KLC1: variants seen among roughly 807,000 people sequenced by gnomAD.
KLC1 encodes kinesin 2 60/70kDa.
A neutral mutation model predicts 84.2 loss-of-function variants in KLC1; 30 were observed. The ratio of observed to expected loss-of-function variants is 0.36; its 90% confidence interval spans 0.27 to 0.48. The LOEUF (loss-of-function observed/expected upper bound fraction) is 0.48, where lower values mean the gene tolerates loss of function less well. Ranked by LOEUF, KLC1 falls within the 20% of genes least tolerant of loss-of-function variation. The pLI, the probability that KLC1 is intolerant of heterozygous loss-of-function variation, is 0.99. For missense variants in KLC1, 499 were observed against 805.4 expected, an observed-to-expected ratio of 0.62 and a Z score of 4.60; for synonymous variants, 289 against 293.3, an observed-to-expected ratio of 0.99 and a Z score of 0.15.
chr14:103,696,960 C>T, intron 15 of KLC1: 4 of 985,420 alleles, frequency 4.1e-6, no homozygotes, highest in Non-Finnish European at 4.8e-6. Context: ...GCCCCTCGGC[C>T]CCTTCCCTCC....
At chr14:103,657,107 A>G (rs2078893556) in intron 2 of KLC1, among the ~76,000 whole-genome samples, 1 of 152,152 alleles carries the variant, frequency 6.6e-6, no homozygotes, top group Non-Finnish European at 1.5e-5. Context: ...TTGTATGTGC[A>G]CTGTTCTCTG....
chr14:103,653,615 C>G (rs1417813502), intron 1 of KLC1, among the ~76,000 whole-genome samples: 1 of 152,228 alleles, frequency 6.6e-6, no homozygotes, highest in African/African-American at 2.4e-5. Context: ...GCCACCATGC[C>G]TGGCTGTCCT....
At chr14:103,667,491 A>C (rs912242898) in intron 5 of KLC1, among the ~76,000 whole-genome samples, 1 of 152,088 alleles carries the variant, frequency 6.6e-6, no homozygotes. Context: ...GCATGTCGCC[A>C]GGCCTGGCTA....
chr14:103,695,729 C>T, intron 15 of KLC1: 5 of 985,390 alleles, frequency 5.1e-6, no homozygotes, highest in Non-Finnish European at 6.0e-6. Flanking sequence ...GCTGTGGCTT[C>T]CAGCCATGGG....
chr14:103,685,853 C>G, intron 13 of KLC1: 2 of 1,175,520 alleles, frequency 1.7e-6, no homozygotes, highest in Non-Finnish European at 1.1e-6. Flanking sequence ...CAGATATGTA[C>G]TTAGTAATAT....
At chr14:103,656,424 C>G (rs545397987) in intron 2 of KLC1, among the ~76,000 whole-genome samples, 1 of 152,352 alleles carries the variant, frequency 6.6e-6, no homozygotes, top group Admixed American at 6.5e-5. Flanking sequence ...TTTAAATACT[C>G]TCTCCTGATA....
At position 103,677,657 on chromosome 14, in the gene KLC1, T is replaced by C. The variant is rs113794567; in HGVS notation, c.1488+134T>C. 1.6e-4 allele frequency: 104 copies of C among 666,032 alleles called. 2 individuals carry two copies. Among genetic ancestry groups the C allele is most frequent in the African/African-American group, 1.4e-3 (79 of 55,174 alleles). 41.3% of individuals were successfully genotyped at this position (666,032 alleles called of 1,614,324 possible). ...ATTTTAGTTTGAACAAATAAAGTTA[T>C]ATTGTTTAAAAGAGCATGAGGCCGG... On this transcript the variant is annotated intron_variant, in intron 12 of 16. Coordinates refer to ENST00000334553, the MANE Select transcript of KLC1 (RefSeq NM_001394837.1).
intron 1 of KLC1, among the ~76,000 whole-genome samples, chr14:103,651,543 A>G (rs1450199321): frequency 2.0e-5 from 3 of 152,216 alleles, no homozygotes; most frequent in East Asian, 1.9e-4. Context: ...TAGCCTAGAA[A>G]TGGTGAGAGG....
chr14:103,699,017 C>G, intron 15 of KLC1: 1 of 1,584,048 alleles, frequency 6.3e-7, no homozygotes, highest in South Asian at 1.1e-5. Context: ...CGTCCCAGAA[C>G]CTGAGAAACA....
chr14:103,694,897 T>C lies in KLC1; in HGVS notation c.1848+2472T>C. On this transcript the variant is annotated intron_variant, in intron 15 of 16. Coordinates refer to ENST00000334553, the MANE Select transcript of KLC1 (RefSeq NM_001394837.1). This position sits in a 1 kb window ranked among gnomAD's most constrained non-coding sequence, Gnocchi z 4.5. ...CCCGCCTCATGTCGCAGGACTGCTG[T>C]GTTTGTGAAAGCGCGTTTGTTTCCA... 2 of 985,476 alleles carry C rather than the reference T, an allele frequency of 2.0e-6. No individual in the cohort carries two copies. The highest frequency in any genetic ancestry group is 9.4e-5 in the South Asian group (2 of 21,292). 61.0% of individuals were successfully genotyped at this position (985,476 alleles called of 1,614,324 possible).
chr14:103,681,083 G>A (rs2081307244), intron 13 of KLC1, among the ~76,000 whole-genome samples: 2 of 152,176 alleles, frequency 1.3e-5, no homozygotes, highest in African/African-American at 4.8e-5. Flanking sequence ...ACGCCTGCTG[G>A]TTTCCTCCTT....
Position 103,693,880 on chromosome 14 carries a change from C to G in KLC1, c.1848+1455C>G, listed in dbSNP as rs1258496329. 1.5e-6 allele frequency: 2 copies of G among 1,343,104 alleles called. No individual in the cohort carries two copies. The highest frequency in any genetic ancestry group is 3.0e-5 in the African/African-American group (2 of 67,220). 83.2% of individuals were successfully genotyped at this position (1,343,104 alleles called of 1,614,324 possible). The stretch of plus-strand genomic sequence containing the variant: ...CTGGCTCAGGGAGGCCGAGGTGGCG[C>G]TGAGGTGGCTTCAGCACGCTGGGGA... On this transcript the variant is annotated intron_variant, in intron 15 of 16. Coordinates refer to ENST00000334553, the MANE Select transcript of KLC1 (RefSeq NM_001394837.1). The surrounding 1 kb of genome is among the most constrained non-coding windows in gnomAD (Gnocchi z 5.1).
chr14:103,665,681 A>G (rs984137858), intron 5 of KLC1, among the ~76,000 whole-genome samples: 3 of 151,464 alleles, frequency 2.0e-5, no homozygotes, highest in Non-Finnish European at 4.4e-5. Flanking sequence ...CAGGTGATCC[A>G]CCCTCCTTGG....
chr14:103,662,333 G>T, intron 4 of KLC1, 139 bp downstream of exon 4: 1 of 739,538 alleles, frequency 1.4e-6, no homozygotes, highest in Non-Finnish European at 2.4e-6. Context: ...GGTTGCCTTT[G>T]GTTTTCCAAA....
intron 3 of KLC1, among the ~76,000 whole-genome samples, chr14:103,661,416 TC>T (rs1359566225): frequency 6.6e-6 from 1 of 152,162 alleles, no homozygotes; most frequent in African/African-American, 2.4e-5. Flanking sequence ...TGTCCATCAT[TC>T]CTCAGTTGGG....
intron 14 of KLC1, among the ~76,000 whole-genome samples, chr14:103,690,908 GCTTT>G (rs989800574): frequency 7.7e-4 from 117 of 152,238 alleles, no homozygotes; most frequent in African/African-American, 2.6e-3. Context: ...GTTACATTTT[GCTTT>G]CTAAGTAGAA....
chr14:103,657,491 A>T, intron 2 of KLC1, 55 bp from the exon 3 acceptor site: 1 of 1,422,298 alleles, frequency 7.0e-7, no homozygotes, highest in South Asian at 1.2e-5. Flanking sequence ...CACGGGTGGG[A>T]GGGACTCTTG....
chr14:103,637,358 C>T (rs941054927), intron 1 of KLC1, among the ~76,000 whole-genome samples: 14 of 151,494 alleles, frequency 9.2e-5, no homozygotes, highest in African/African-American at 2.4e-4. Flanking sequence ...GGTGAAACCC[C>T]GTCTCTACTA....
intron 1 of KLC1, among the ~76,000 whole-genome samples, chr14:103,632,579 G>C (rs1056603071): frequency 1.3e-5 from 2 of 151,926 alleles, no homozygotes; most frequent in East Asian, 3.8e-4. Context: ...ACCAAAACCG[G>C]GTGTGGTGGC....
Sources: gnomAD v4.1 joint callset for allele counts (sites outside exome capture counted in the v4.1 genomes callset) on GRCh38, gnomAD v4.1.1 for gene constraint, Gnocchi (gnomAD v3.1) non-coding constraint, MANE v1.5 for transcripts, NCBI Gene and HGNC (gene_info 2026-07-23, HGNC 2026-07-21) for gene names.